SMC3: variants seen among roughly 807,000 people sequenced by gnomAD.
The protein encoded by SMC3 is structural maintenance of chromosomes protein 3.
SMC3 carries 20 observed loss-of-function variants against 171.8 expected under a neutral mutation model. The observed-to-expected ratio is 0.12, with a 90% CI of 0.08 to 0.17. The LOEUF (loss-of-function observed/expected upper bound fraction) is 0.17. SMC3 is among the 10% of genes least tolerant of loss of function. SMC3 has a pLI of 1.00. For missense variants in SMC3, 543 were observed against 1,420.4 expected (o/e 0.38, Z 9.93); for synonymous variants, 464 against 451.1 (o/e 1.03, Z -0.36).
chr10:110,593,008 T>A, intron 17 of SMC3, 65 bp from the exon 18 acceptor site: 2 of 1,281,488 alleles, frequency 1.6e-6, no homozygotes, highest in Admixed American at 1.7e-5. Context: ...AAGATGTAAT[T>A]TCATAATTCT....
At chr10:110,588,119 G>A (rs1197036144) in intron 13 of SMC3, among the ~76,000 whole-genome samples, 1 of 152,144 alleles carries the variant, frequency 6.6e-6, no homozygotes, top group Non-Finnish European at 1.5e-5. Context: ...GCCTCCCCCA[G>A]TAGCTGGGAC....
At chr10:110,591,228 G>T (rs1861200271) in intron 17 of SMC3, 96 bp downstream of exon 17, 18 of 1,195,298 alleles carry the variant, frequency 1.5e-5, no homozygotes, top group Non-Finnish European at 2.1e-5. Flanking sequence ...TATACACTGG[G>T]ATTCAGTGGT....
In SMC3 at chr10:110,605,943, ATTCTAGAAC is replaced by A. The variant is rs966232587; in HGVS notation, c.*1646_*1654del. On this transcript the variant is annotated 3_prime_UTR_variant, in exon 29 of 29. Transcript: ENST00000361804. ...CAAGGGATGTTACAAACATAACATC[ATTCTAGAAC>A]TTCTTAATATTGTTCTTAAGCATTT... is the stretch of plus-strand genomic sequence containing the variant. Among the ~76,000 whole-genome samples the A allele has an allele frequency of 2.6e-5, 4 of 152,236 alleles. No homozygotes were observed. The highest frequency in any genetic ancestry group is 4.4e-5 in the Non-Finnish European group (3 of 68,028).
In SMC3 at chr10:110,582,125, A is replaced by G. The variant is rs770753304; in HGVS notation, c.723+27A>G. The G allele has an allele frequency of 5.1e-6, 8 of 1,579,656 alleles. No individual in the cohort carries two copies. The Admixed American group carries it at 8.3e-5, about 16-fold the overall frequency. On this transcript the variant is annotated intron_variant, in intron 9 of 28. Coordinates refer to ENST00000361804, the MANE Select transcript of SMC3 (RefSeq NM_005445.4). ...TAAAATATTTACCTGTGACACTTAA[A>G]ATCAGATTAATTTTGTTTTTATGAA...
At chr10:110,586,281 TAGGTAAAATTGCGAGG>T (rs1287996511) in intron 13 of SMC3, among the ~76,000 whole-genome samples, 1 of 152,114 alleles carries the variant, frequency 6.6e-6, no homozygotes, top group Non-Finnish European at 1.5e-5. Context: ...AAACAATAGG[TAGGTAAAATTGCGAGG>T]AGTGTAGCCT....
intron 13 of SMC3, 146 bp from the exon 14 acceptor site, chr10:110,589,459 A>G (rs991730717): frequency 1.1e-5 from 7 of 633,990 alleles, no homozygotes; most frequent in Admixed American, 5.4e-5. Context: ...CACGTTTATT[A>G]CCCAAAAGCG....
rs1321226900 is a variant in SMC3 at position 110,567,742 on chromosome 10, G to A, written c.-75G>A. 2.5e-6 allele frequency: 4 copies of A among 1,574,916 alleles called. No individual in the cohort carries two copies. Among genetic ancestry groups the A allele is most frequent in the Non-Finnish European group, 8.7e-7 (1 of 1,147,166 alleles). ...GCGCTTTGGGGGAGGGGTCGCGTAG[G>A]CGCCTCACCTGACCCTGCGGCCGTG... On this transcript the variant is annotated 5_prime_UTR_variant, in exon 1 of 29. Transcript: ENST00000361804.
intron 6 of SMC3, 29 bp from the exon 7 acceptor site, chr10:110,578,599 C>A (rs369885045): frequency 1.1e-5 from 17 of 1,541,100 alleles, no homozygotes; most frequent in Middle Eastern, 1.7e-4. Flanking sequence ...AATTATTTAT[C>A]GGAAAGTAAT....
In SMC3 at chr10:110,591,024, C is replaced by T; in HGVS notation, c.1704C>T (p.Val568=). ...LFYHIVDSDE[V]STKILMEFNK... is the part of the protein sequence containing the mutation. Reference sequence around the variant, plus strand: ...ATCACATTGTTGATTCAGATGAAGTCAGCACGAAGATTTTAATGGAGTTTA... The same window carrying T: ...ATCACATTGTTGATTCAGATGAAGTTAGCACGAAGATTTTAATGGAGTTTA... Residue 568 remains valine (V), a synonymous_variant, in exon 17 of 29, where the codon GTC becomes GTT. Transcript: ENST00000361804. 6.2e-7 allele frequency: 1 copy of T among 1,612,882 alleles called. No homozygotes were observed. The highest frequency in any genetic ancestry group is 2.2e-5 in the East Asian group (1 of 44,866).
At chr10:110,595,481 C>G (rs767636107) in intron 18 of SMC3, among the ~76,000 whole-genome samples, 1 of 152,192 alleles carries the variant, frequency 6.6e-6, no homozygotes, top group Non-Finnish European at 1.5e-5. Flanking sequence ...TGATCACCTG[C>G]AGATCTCTCC....
intron 4 of SMC3, among the ~76,000 whole-genome samples, chr10:110,575,670 C>T (rs759310423): frequency 6.6e-6 from 1 of 152,052 alleles, no homozygotes; most frequent in Non-Finnish European, 1.5e-5. Flanking sequence ...TTAAAGGAGA[C>T]ATGATATATA....
intron 18 of SMC3, 89 bp from the exon 19 acceptor site, chr10:110,596,309 A>G: frequency 7.9e-7 from 1 of 1,273,880 alleles, no homozygotes; most frequent in Non-Finnish European, 1.1e-6. Flanking sequence ...TTATCTACTT[A>G]AAGCCTGTAG....
Position 110,577,955 on chromosome 10 carries a change from TTAAA to T in SMC3, c.350+44_350+47del, listed in dbSNP as rs201522403. 1.8e-3 allele frequency: 2,469 copies of T among 1,344,956 alleles called. 38 individuals carry two copies. The African/African-American group carries it at 0.029, about 16-fold the overall frequency. 83.3% of individuals were successfully genotyped at this position (1,344,956 alleles called of 1,614,324 possible). ...TTTTTTAAAAAAACTGAATATGTAC[TTAAA>T]TAGAGATGGGGTATTGCTGTGTTGG... On this transcript the variant is annotated intron_variant, in intron 6 of 28. Coordinates refer to ENST00000361804, the MANE Select transcript of SMC3 (RefSeq NM_005445.4).
At position 110,604,399 on chromosome 10, in the gene SMC3, T is replaced by A; in HGVS notation, c.*97T>A. 1.2e-6 allele frequency: 1 copy of A among 844,246 alleles called. No individual in the cohort carries two copies. The highest frequency in any genetic ancestry group is 1.4e-5 in the South Asian group (1 of 72,680). The allele number at this position is 844,246 out of a possible 1,614,324, so 52.3% of individuals were successfully genotyped here. A position where few individuals can be genotyped will look rare whatever the true frequency, so the allele number is the denominator to read the frequency against. ...TTAAACCTAAATATTTGGCCAATAG[T>A]TTTCAGACTTAAAGCATCATAGTCC... On this transcript the variant is annotated 3_prime_UTR_variant, in exon 29 of 29. Coordinates refer to ENST00000361804, the MANE Select transcript of SMC3 (RefSeq NM_005445.4).
intron 18 of SMC3, among the ~76,000 whole-genome samples, chr10:110,594,640 A>G (rs1422381634): frequency 6.6e-6 from 1 of 152,140 alleles, no homozygotes. Flanking sequence ...CCTCCAGTAT[A>G]TAGGTTTAGT....
In SMC3 at chr10:110,594,418, A is replaced by G. The variant is rs755054665; in HGVS notation, c.1963+1195A>G. Among the ~76,000 whole-genome samples, 63 of 152,222 alleles carry G rather than the reference A, an allele frequency of 4.1e-4. 1 individual carries two copies. The highest frequency in any genetic ancestry group is 6.9e-4 in the Non-Finnish European group (47 of 67,992). On this transcript the variant is annotated intron_variant, in intron 18 of 28. Transcript: ENST00000361804. ...TGAAGTACTGATACATGTAAACAAT[A>G]TTTTGACATCTGACAAGTGTTACCT...
intron 13 of SMC3, among the ~76,000 whole-genome samples, chr10:110,585,891 G>C (rs576769852): frequency 6.6e-6 from 1 of 152,006 alleles, no homozygotes; most frequent in African/African-American, 2.4e-5. Flanking sequence ...TCCGCTTCCC[G>C]GGTTCAAGCA....
intron 27 of SMC3, 30 bp downstream of exon 27, chr10:110,603,032 A>G (rs201703372): frequency 6.8e-6 from 11 of 1,610,536 alleles, no homozygotes; most frequent in Non-Finnish European, 8.5e-6. Context: ...TTGGTTTTGT[A>G]TTTAACAATA....
intron 17 of SMC3, among the ~76,000 whole-genome samples, chr10:110,592,323 G>GGC (rs1484110377): frequency 1.3e-5 from 2 of 152,158 alleles, no homozygotes; most frequent in Middle Eastern, 3.4e-3. Context: ...GCACAGTCAT[G>GGC]GCAGTGGTCG....
Sources: allele counts gnomAD v4.1 joint callset (sites outside exome capture counted in the v4.1 genomes callset), GRCh38; gene constraint gnomAD v4.1.1; transcripts MANE v1.5; gene names NCBI Gene and HGNC (gene_info 2026-07-23, HGNC 2026-07-21).